The following WDFY3 variants were observed in gnomAD, a reference collection of about 807,000 sequenced individuals.
WDFY3 encodes WD repeat and FYVE domain-containing protein 3.
In WDFY3, 66 loss-of-function variants were observed where a neutral mutation model predicts 409.6. The observed-to-expected ratio is 0.16, with a 90% CI of 0.13 to 0.20. WDFY3 has a LOEUF of 0.20. WDFY3 is among the 10% of genes least tolerant of loss of function. The pLI, the probability that WDFY3 is intolerant of heterozygous loss-of-function variation, is 1.00. For synonymous variants in WDFY3, 1,521 were observed against 1,537.1 expected (o/e 0.99, Z 0.25); for missense variants, 3,031 against 4,298.1 (o/e 0.71, Z 8.24).
chr4:84,804,916 C>G (rs903422012), intron 15 of WDFY3, among the ~76,000 whole-genome samples: 1 of 152,102 alleles, frequency 6.6e-6, no homozygotes, highest in Admixed American at 6.6e-5. Context: ...ATCTTTACAT[C>G]TTTGGACACT....
chr4:84,946,870 G>T (rs532071805), intron 1 of WDFY3, among the ~76,000 whole-genome samples: 1 of 151,432 alleles, frequency 6.6e-6, no homozygotes, highest in South Asian at 2.1e-4. Context: ...GCAGTGGCGT[G>T]ATCTCCGCTC....
rs202240684 is a variant in WDFY3 at position 84,911,762 on chromosome 4, TATC to T, written c.-131-14755_-131-14753del. Among the ~76,000 whole-genome samples, 896 of 152,338 alleles carry T rather than the reference TATC, an allele frequency of 5.9e-3. 9 individuals are homozygous for T. Among genetic ancestry groups the T allele is most frequent in the African/African-American group, 0.021 (859 of 41,590 alleles). ...ATATATGTAGATACCAGTCTATTTT[TATC>T]ATTTTTTACCATAAAAATATATACA... On this transcript the variant is annotated intron_variant, in intron 2 of 67. Coordinates refer to ENST00000295888, the MANE Select transcript of WDFY3 (RefSeq NM_014991.6).
At chr4:84,778,811 A>C (rs1232068777) in intron 26 of WDFY3, among the ~76,000 whole-genome samples, 156 bp from the exon 27 acceptor site, 1 of 152,116 alleles carries the variant, frequency 6.6e-6, no homozygotes, top group Non-Finnish European at 1.5e-5. Flanking sequence ...GAGATTATTA[A>C]GTTAATTTCT....
At chr4:84,918,497 T>C (rs1483025754) in intron 2 of WDFY3, among the ~76,000 whole-genome samples, 1 of 152,110 alleles carries the variant, frequency 6.6e-6, no homozygotes, top group Non-Finnish European at 1.5e-5. Context: ...ACATATCTAC[T>C]AATCATTATA....
At chr4:84,791,656 C>A (rs894586012) in intron 21 of WDFY3, among the ~76,000 whole-genome samples, 8 of 152,172 alleles carry the variant, frequency 5.3e-5, no homozygotes, top group East Asian at 1.9e-4. Context: ...CACAAGAGGA[C>A]AACTATCTAT....
At chr4:84,878,510 G>A (rs1447820109) in intron 3 of WDFY3, among the ~76,000 whole-genome samples, 1 of 152,120 alleles carries the variant, frequency 6.6e-6, no homozygotes, top group African/African-American at 2.4e-5. Flanking sequence ...TTATACTATT[G>A]ATTAATTAGA....
intron 51 of WDFY3, among the ~76,000 whole-genome samples, chr4:84,711,850 C>CAA (rs571281125): frequency 1.5e-5 from 2 of 129,874 alleles, no homozygotes; most frequent in African/African-American, 5.7e-5. Context: ...GACTCCGTCT[C>CAA]AAAAAAAAAA....
At chr4:84,775,259 T>A in intron 27 of WDFY3, 121 bp from the exon 28 acceptor site, 1 of 893,302 alleles carries the variant, frequency 1.1e-6, no homozygotes, top group East Asian at 2.7e-5. Flanking sequence ...TCTTGTAAAG[T>A]TCTATAAAAC....
At chr4:84,765,018 T>G (rs924869589) in intron 32 of WDFY3, among the ~76,000 whole-genome samples, 1 of 152,192 alleles carries the variant, frequency 6.6e-6, no homozygotes, top group Non-Finnish European at 1.5e-5. Context: ...CGGACCAAGG[T>G]AAATAGATAT....
intron 2 of WDFY3, among the ~76,000 whole-genome samples, chr4:84,916,164 C>T (rs373320888): frequency 2.0e-5 from 3 of 151,780 alleles, no homozygotes; most frequent in African/African-American, 4.8e-5. Flanking sequence ...AAAAACAGAA[C>T]GACACAAAAA....
intron 5 of WDFY3, 66 bp from the exon 6 acceptor site, chr4:84,841,329 AACCT>A: frequency 1.4e-6 from 2 of 1,379,518 alleles, no homozygotes; most frequent in Non-Finnish European, 2.0e-6. Context: ...TCTTCTTTAA[AACCT>A]ACCAAGGAAA....
At chr4:84,773,623 C>T (rs761401571) in intron 29 of WDFY3, among the ~76,000 whole-genome samples, 17 of 152,152 alleles carry the variant, frequency 1.1e-4, no homozygotes, top group Non-Finnish European at 2.1e-4. Context: ...CATTACAATG[C>T]TAGGAATTGC....
intron 20 of WDFY3, 67 bp from the exon 21 acceptor site, chr4:84,794,804 A>T: frequency 6.6e-7 from 1 of 1,518,690 alleles, no homozygotes; most frequent in Non-Finnish European, 8.8e-7. Flanking sequence ...AGATGCCAAC[A>T]AAAGCAAATA....
intron 1 of WDFY3, among the ~76,000 whole-genome samples, chr4:84,940,619 T>G (rs1771985306): frequency 1.3e-5 from 2 of 152,144 alleles, no homozygotes; most frequent in South Asian, 4.1e-4. Context: ...TATATATTCT[T>G]GTTTATACTA....
At chr4:84,864,132 C>A (rs567547330) in intron 3 of WDFY3, among the ~76,000 whole-genome samples, 27 of 151,982 alleles carry the variant, frequency 1.8e-4, no homozygotes, top group Non-Finnish European at 3.2e-4. Flanking sequence ...TTTGGGAGGA[C>A]GAGGTGGGCG....
chr4:84,936,382 A>C (rs1771414823), intron 1 of WDFY3, among the ~76,000 whole-genome samples: 1 of 152,208 alleles, frequency 6.6e-6, no homozygotes, highest in African/African-American at 2.4e-5. Flanking sequence ...TTAGCTGGGC[A>C]TGGTGGCAAA....
intron 2 of WDFY3, among the ~76,000 whole-genome samples, chr4:84,899,576 T>C (rs1425935590): frequency 1.3e-5 from 2 of 152,198 alleles, no homozygotes; most frequent in Non-Finnish European, 2.9e-5. Flanking sequence ...CCCACACGTT[T>C]TTGTAAATAA....
rs577930036 is a variant in WDFY3 at position 84,906,487 on chromosome 4, G to A, written c.-131-9477C>T. Among the ~76,000 whole-genome samples, 3 of 152,180 alleles carry A rather than the reference G, an allele frequency of 2.0e-5. No homozygotes were observed. The East Asian group carries it at 5.8e-4, about 29-fold the overall frequency. On this transcript the variant is annotated intron_variant, in intron 2 of 67. Coordinates refer to ENST00000295888, the MANE Select transcript of WDFY3 (RefSeq NM_014991.6). ...AATGACTATAGCCTCAAAAATATGTGTAATATTTTAATAAAAGCATATTCT... is the reference window on the plus strand; with the variant it reads ...AATGACTATAGCCTCAAAAATATGTATAATATTTTAATAAAAGCATATTCT...
In WDFY3 at chr4:84,766,320, C is replaced by T; in HGVS notation, c.4902G>A (p.Arg1634=). Reference sequence around the variant, plus strand: ...TTAGCAAGATATCCAGAAGTCTGTTCCTCAAAAGTATAAGATTAGCTGATA... The same window carrying T: ...TTAGCAAGATATCCAGAAGTCTGTTTCTCAAAAGTATAAGATTAGCTGATA... ...GLVSANLILL[R]NRLLDILLKL... Residue 1634 remains arginine (R), a synonymous_variant, in exon 31 of 68, where the codon AGG becomes AGA. Transcript: ENST00000295888. 6.2e-7 allele frequency: 1 copy of T among 1,602,572 alleles called. No individual in the cohort carries two copies. Among genetic ancestry groups the T allele is most frequent in the Non-Finnish European group, 8.5e-7 (1 of 1,176,460 alleles).
Sources: gnomAD v4.1 joint callset for allele counts (sites outside exome capture counted in the v4.1 genomes callset) on GRCh38, gnomAD v4.1.1 for gene constraint, MANE v1.5 for transcripts, NCBI Gene and HGNC (gene_info 2026-07-23, HGNC 2026-07-21) for gene names.